Variants in KLF4 observed in about 807,000 individuals in gnomAD.
KLF4 encodes Krueppel-like factor 4.
In KLF4, 14 loss-of-function variants were observed where a neutral mutation model predicts 38.0. That is an observed-to-expected ratio of 0.37 (90% confidence interval 0.24 to 0.58). KLF4 has a LOEUF of 0.58. Among genes scored for constraint, KLF4 ranks in the 20% least tolerant of loss-of-function variants. The pLI is 0.76. For missense variants in KLF4, 737 were observed against 670.1 expected, an observed-to-expected ratio of 1.10 and a Z score of -1.10; for synonymous variants, 398 against 302.5, an observed-to-expected ratio of 1.32 and a Z score of -3.28.
At position 107,487,778 on chromosome 9, in the gene KLF4, G is replaced by C. The variant is rs772670246; in HGVS notation, c.616C>G (p.Pro206Ala). 1.1e-5 allele frequency: 17 copies of C among 1,548,408 alleles called. No homozygotes were observed. The African/African-American group carries it at 1.9e-4, about 17-fold the overall frequency. ...SGGFVAELLR[P>A]ELDPVYIPPQ... ...GGAATGTACACCGGGTCCAATTCTG[G>C]CCGCAGGAGCTCGGCCACGAAGCCG... Residue 206 changes from proline to alanine, a missense_variant, in exon 3 of 5, where the codon CCA (proline) becomes GCA (alanine). Coordinates refer to ENST00000374672, the MANE Select transcript of KLF4 (RefSeq NM_004235.6). The surrounding 1 kb of genome is among the most constrained non-coding windows in gnomAD (Gnocchi z 6.1).
Position 107,489,062 on chromosome 9 carries a change from G to A in KLF4, c.6-12C>T, listed in dbSNP as rs1406964036. On this transcript the variant is annotated splice_polypyrimidine_tract_variant and intron_variant, in intron 1 of 4. Transcript: ENST00000374672. ...CGCCAGGTGGCTGCCTGCGAGCAAGGCAGGGAGCGGAGACAGGAGAGTCAG... is the reference window on the plus strand; with the variant it reads ...CGCCAGGTGGCTGCCTGCGAGCAAGACAGGGAGCGGAGACAGGAGAGTCAG... 6.4e-7 allele frequency: 1 copy of A among 1,553,060 alleles called. No homozygotes were observed. The highest frequency in any genetic ancestry group is 8.7e-7 in the Non-Finnish European group (1 of 1,147,780).
intron 4 of KLF4, among the ~76,000 whole-genome samples, chr9:107,486,512 GAAAAA>G (rs1006911651): frequency 2.0e-5 from 3 of 146,622 alleles, no homozygotes; most frequent in Non-Finnish European, 4.5e-5. Context: ...GCTTGTGGGG[GAAAAA>G]AAATAAAAAT....
rs1225857067 is a variant in KLF4 at position 107,484,866 on chromosome 9, T to C, written c.*885A>G. On this transcript the variant is annotated 3_prime_UTR_variant, in exon 5 of 5. Coordinates refer to ENST00000374672, the MANE Select transcript of KLF4 (RefSeq NM_004235.6). ...AAAAAACATTATTCAGATAAAATAT[T>C]ATAGGTTTATTTAAAACTTAATTCT... 1 of 185,040 alleles carries C rather than the reference T, an allele frequency of 5.4e-6. No individual in the cohort carries two copies. Among genetic ancestry groups the C allele is most frequent in the African/African-American group, 2.3e-5 (1 of 42,660 alleles). 11.5% of individuals were successfully genotyped at this position (185,040 alleles called of 1,614,324 possible). A position where few individuals can be genotyped will look rare whatever the true frequency, so the allele number is the denominator to read the frequency against.
intron 4 of KLF4, among the ~76,000 whole-genome samples, chr9:107,486,626 G>A (rs773024447): frequency 2.6e-5 from 4 of 151,866 alleles, no homozygotes; most frequent in Non-Finnish European, 4.4e-5. Context: ...ACCTGGGAAG[G>A]GAACATTAAA....
At position 107,489,348 on chromosome 9, in the gene KLF4, C is replaced by T; in HGVS notation, c.-176G>A. Reference sequence around the variant, plus strand: ...CTTTTTTAAAAAGTTCCTTTGTATACAAAAGTTCTTAGAAAAGTTGTAAAC... The same window carrying T: ...CTTTTTTAAAAAGTTCCTTTGTATATAAAAGTTCTTAGAAAAGTTGTAAAC... On this transcript the variant is annotated 5_prime_UTR_variant, in exon 1 of 5. Transcript: ENST00000374672. 1 of 875,320 alleles carries T rather than the reference C, an allele frequency of 1.1e-6. No individual in the cohort carries two copies. The highest frequency in any genetic ancestry group is 1.6e-6 in the Non-Finnish European group (1 of 624,752). 54.2% of individuals were successfully genotyped at this position (875,320 alleles called of 1,614,324 possible). A position where few individuals can be genotyped will look rare whatever the true frequency, so the allele number is the denominator to read the frequency against.
rs932807843 is a variant in KLF4, at chr9:107,488,414, C to A, written c.127-147G>T. The A allele has an allele frequency of 3.6e-6, 5 of 1,380,494 alleles. No individual in the cohort carries two copies. Among genetic ancestry groups the A allele is most frequent in the Non-Finnish European group, 4.8e-6 (5 of 1,050,788 alleles). 85.5% of individuals were successfully genotyped at this position (1,380,494 alleles called of 1,614,324 possible). On this transcript the variant is annotated intron_variant, in intron 2 of 4. Coordinates refer to ENST00000374672, the MANE Select transcript of KLF4 (RefSeq NM_004235.6). This position sits in a 1 kb window ranked among gnomAD's most constrained non-coding sequence, Gnocchi z 5.7. ...AGCACCCGGGAACCCAGGGCGCCAG[C>A]GCTGCAATCTCGGCCCACTCCCGGG...
In KLF4 at chr9:107,488,915, C is replaced by T. The variant is rs1011922691; in HGVS notation, c.126+15G>A. The T allele has an allele frequency of 1.3e-6, 2 of 1,549,082 alleles. No individual in the cohort carries two copies. Among genetic ancestry groups the T allele is most frequent in the Middle Eastern group, 1.7e-4 (1 of 5,974 alleles). ...AACCCACCGGGCGTTCCCGGCGGCC[C>T]GGAGCGATACTCACGTTATTCGGGG... On this transcript the variant is annotated intron_variant, in intron 2 of 4. Transcript: ENST00000374672. This position sits in a 1 kb window ranked among gnomAD's most constrained non-coding sequence, Gnocchi z 5.7.
Position 107,487,509 on chromosome 9 carries a change from G to A in KLF4, c.885C>T (p.Ser295=). The A allele has an allele frequency of 1.9e-6, 3 of 1,549,348 alleles. No individual in the cohort carries two copies. The highest frequency in any genetic ancestry group is 1.7e-6 in the Non-Finnish European group (2 of 1,148,938). Residue 295 remains serine, a synonymous_variant, in exon 3 of 5, where the codon AGC becomes AGT. Transcript: ENST00000374672. The surrounding 1 kb of genome is among the most constrained non-coding windows in gnomAD (Gnocchi z 6.1). The part of the protein sequence containing the change: ...CTHLGAGPPL[S]NGHRPAAHDF... ...CGTGTGCAGCCGGCCGGTGGCCATT[G>A]CTGAGAGGGGGTCCAGCGCCCAAGT...
At chr9:107,486,204 T>C (rs983523395) in intron 4 of KLF4, among the ~76,000 whole-genome samples, 1 of 152,170 alleles carries the variant, frequency 6.6e-6, no homozygotes. Flanking sequence ...AAACACCACC[T>C]AAACCTATAC....
At position 107,488,691 on chromosome 9, in the gene KLF4, C is replaced by T. The variant is rs751933664; in HGVS notation, c.126+239G>A. 5.3e-5 allele frequency among the ~76,000 whole-genome samples: 8 copies of T among 152,178 alleles called. No homozygotes were observed. Among genetic ancestry groups the T allele is most frequent in the African/African-American group, 1.7e-4 (7 of 41,458 alleles). On this transcript the variant is annotated intron_variant, in intron 2 of 4. Transcript: ENST00000374672. The surrounding 1 kb of genome is among the most constrained non-coding windows in gnomAD (Gnocchi z 5.7). ...CCGAGAGCGCCCGCCCTACCGACAG[C>T]GCGCCCGGGGACTGGTGAAGACCCG...
Position 107,488,752 on chromosome 9 carries a change from A to C in KLF4, c.126+178T>G, listed in dbSNP as rs1829136354. ...CAGGCGGCTCCGCAGTGCTCGCACC[A>C]CGGGCATACACAGCTGAGCCAAGGA... On this transcript the variant is annotated intron_variant, in intron 2 of 4. Coordinates refer to ENST00000374672, the MANE Select transcript of KLF4 (RefSeq NM_004235.6). This position sits in a 1 kb window ranked among gnomAD's most constrained non-coding sequence, Gnocchi z 5.7. 6.6e-6 allele frequency among the ~76,000 whole-genome samples: 1 copy of C among 152,168 alleles called. No individual in the cohort carries two copies. Among genetic ancestry groups the C allele is most frequent in the Non-Finnish European group, 1.5e-5 (1 of 68,026 alleles).
rs749416232 is a variant in KLF4, at chr9:107,487,593, G to A, written c.801C>T (p.Asn267=). 27 of 1,595,218 alleles carry A rather than the reference G, an allele frequency of 1.7e-5. No individual in the cohort carries two copies. The South Asian group carries it at 2.0e-4, about 12-fold the overall frequency. ...GSHPVVVAPY[N]GGPPRTCPKI... ...TGGGGCACGTGCGCGGCGGCCCGCC[G>A]TTGTAGGGCGCCACCACCACCGGGT... Residue 267 remains asparagine (N), a synonymous_variant, in exon 3 of 5, where the codon AAC becomes AAT. Transcript: ENST00000374672. The surrounding 1 kb of genome is among the most constrained non-coding windows in gnomAD (Gnocchi z 6.1).
rs866670245 is a variant in KLF4, at chr9:107,487,970, C to T, written c.424G>A (p.Ala142Thr). ...SSSSPSSSGP[A>T]SAPSTCSFTY... ...AAGCTGCAGGTGGAGGGCGCGCTGGCAGGGCCGCTGCTCGACGGCGACGAC... is the reference window on the plus strand; with the variant it reads ...AAGCTGCAGGTGGAGGGCGCGCTGGTAGGGCCGCTGCTCGACGGCGACGAC... Residue 142 changes from alanine (A) to threonine (T), a missense_variant, in exon 3 of 5, where the codon GCC (alanine) becomes ACC (threonine). By Grantham distance (58) the Ala-to-Thr change is moderately conservative (BLOSUM62 0). Coordinates refer to ENST00000374672, the MANE Select transcript of KLF4 (RefSeq NM_004235.6). This position sits in a 1 kb window ranked among gnomAD's most constrained non-coding sequence, Gnocchi z 6.1. The T allele has an allele frequency of 6.3e-7, 1 of 1,586,730 alleles. No individual in the cohort carries two copies. Among genetic ancestry groups the T allele is most frequent in the Non-Finnish European group, 8.6e-7 (1 of 1,167,406 alleles).
At chr9:107,486,477 C>G (rs911601121) in intron 4 of KLF4, among the ~76,000 whole-genome samples, 1 of 151,226 alleles carries the variant, frequency 6.6e-6, no homozygotes, top group Non-Finnish European at 1.5e-5. Context: ...CCATCATATT[C>G]TTGGAATTTA....
At position 107,487,881 on chromosome 9, in the gene KLF4, G is replaced by A. The variant is rs1238240527; in HGVS notation, c.513C>T (p.Leu171=). 6.0e-5 allele frequency: 93 copies of A among 1,547,522 alleles called. 1 individual carries two copies. Among genetic ancestry groups the A allele is most frequent in the South Asian group, 9.7e-5 (8 of 82,650 alleles). ...GGGGAGCGGACTCCCTGCCATAGAG[G>A]AGGCCTCCGCCCGTGCCGCCCGGCG... The part of the protein sequence containing the change: ...GVAPGGTGGG[L]LYGRESAPPP... Residue 171 remains leucine (L), a synonymous_variant, in exon 3 of 5, where the codon CTC becomes CTT. Coordinates refer to ENST00000374672, the MANE Select transcript of KLF4 (RefSeq NM_004235.6). The surrounding 1 kb of genome is among the most constrained non-coding windows in gnomAD (Gnocchi z 6.1).
chr9:107,485,680 G>GA lies in KLF4; in HGVS notation c.*70dup. The GA allele has an allele frequency of 7.0e-7, 1 of 1,423,200 alleles. No individual in the cohort carries two copies. The highest frequency in any genetic ancestry group is 9.3e-7 in the Non-Finnish European group (1 of 1,069,684). 88.2% of individuals were successfully genotyped at this position (1,423,200 alleles called of 1,614,324 possible). On this transcript the variant is annotated 3_prime_UTR_variant, in exon 5 of 5. Coordinates refer to ENST00000374672, the MANE Select transcript of KLF4 (RefSeq NM_004235.6). This position sits in a 1 kb window ranked among gnomAD's most constrained non-coding sequence, Gnocchi z 4.9. ...CTGGCTGGGCTCCTTCCCTCATCGG[G>GA]AAGACAGTGTGAAAAGTAAAAAATA...
At position 107,488,407 on chromosome 9, in the gene KLF4, G is replaced by A; in HGVS notation, c.127-140C>T. 1 of 1,400,670 alleles carries A rather than the reference G, an allele frequency of 7.1e-7. No individual in the cohort carries two copies. The highest frequency in any genetic ancestry group is 1.5e-5 in the South Asian group (1 of 66,208). 86.8% of individuals were successfully genotyped at this position (1,400,670 alleles called of 1,614,324 possible). On this transcript the variant is annotated intron_variant, in intron 2 of 4. Coordinates refer to ENST00000374672, the MANE Select transcript of KLF4 (RefSeq NM_004235.6). The surrounding 1 kb of genome is among the most constrained non-coding windows in gnomAD (Gnocchi z 5.7). ...GGCAGGAAGCACCCGGGAACCCAGG[G>A]CGCCAGCGCTGCAATCTCGGCCCAC...
Position 107,489,231 on chromosome 9 carries a change from A to G in KLF4, c.-59T>C. ...GAAGCAGCTGGGGCACCTGAACCCC[A>G]AAGTCAACGAAGAGAAGAAACGAAG... On this transcript the variant is annotated 5_prime_UTR_variant, in exon 1 of 5. Coordinates refer to ENST00000374672, the MANE Select transcript of KLF4 (RefSeq NM_004235.6). 1.4e-6 allele frequency: 2 copies of G among 1,441,530 alleles called. No homozygotes were observed. Among genetic ancestry groups the G allele is most frequent in the Non-Finnish European group, 1.8e-6 (2 of 1,094,610 alleles). 89.3% of individuals were successfully genotyped at this position (1,441,530 alleles called of 1,614,324 possible).
In KLF4 at chr9:107,488,315, C is replaced by G; in HGVS notation, c.127-48G>C. On this transcript the variant is annotated intron_variant, in intron 2 of 4. Transcript: ENST00000374672. This position sits in a 1 kb window ranked among gnomAD's most constrained non-coding sequence, Gnocchi z 5.7. The stretch of plus-strand genomic sequence containing the variant: ...ACCTGTCAGTGGTGGTCCCCTGTTG[C>G]CACCCGACATACTGACGTGCTGGCG... The G allele has an allele frequency of 6.6e-7, 1 of 1,506,808 alleles. No individual in the cohort carries two copies. Among genetic ancestry groups the G allele is most frequent in the Non-Finnish European group, 8.8e-7 (1 of 1,131,658 alleles). 93.3% of individuals were successfully genotyped at this position (1,506,808 alleles called of 1,614,324 possible). A position where few individuals can be genotyped will look rare whatever the true frequency, so the allele number is the denominator to read the frequency against.
Sources: gnomAD v4.1 joint callset for allele counts (sites outside exome capture counted in the v4.1 genomes callset) on GRCh38, gnomAD v4.1.1 for gene constraint, Gnocchi (gnomAD v3.1) non-coding constraint, MANE v1.5 for transcripts, NCBI Gene and HGNC (gene_info 2026-07-23, HGNC 2026-07-21) for gene names.